Variants in DLEU7 observed in about 807,000 individuals in gnomAD.
DLEU7 encodes deleted in lymphocytic leukemia 7.
DLEU7 carries 17 observed loss-of-function variants against 16.0 expected under a neutral mutation model. The observed-to-expected ratio is 1.06, with a 90% CI of 0.73 to 1.59. The LOEUF is 1.59. Ranked by LOEUF, DLEU7 falls within the 40% of genes most tolerant of loss-of-function variation. The pLI is 0.00. For missense variants in DLEU7, 308 were observed against 314.9 expected (o/e 0.98, Z 0.17); for synonymous variants, 113 against 139.8 (o/e 0.81, Z 1.35).
intron 1 of DLEU7, among the ~76,000 whole-genome samples, chr13:50,783,366 A>G (rs1875707660): frequency 6.6e-6 from 1 of 152,188 alleles, no homozygotes; most frequent in Admixed American, 6.5e-5. Context: ...GTACCCCAAT[A>G]GCTTGATTCT....
chr13:50,823,026 A>G lies in DLEU7; in HGVS notation c.*288T>C. On this transcript the variant is annotated 3_prime_UTR_variant, in exon 2 of 2. Transcript: ENST00000504404. ...AAAAACTAATAATATGAATAAATAT[A>G]TACATACATAATCAAATCAGCTTCA... 1 of 1,009,986 alleles carries G rather than the reference A, an allele frequency of 9.9e-7. No individual in the cohort carries two copies. The highest frequency in any genetic ancestry group is 3.3e-5 in the South Asian group (1 of 30,656). The allele number at this position is 1,009,986 out of a possible 1,614,324, so 62.6% of individuals were successfully genotyped here. A position where few individuals can be genotyped will look rare whatever the true frequency, so the allele number is the denominator to read the frequency against.
intron 1 of DLEU7, among the ~76,000 whole-genome samples, chr13:50,724,889 G>A (rs141179820): frequency 4.6e-5 from 7 of 151,998 alleles, no homozygotes; most frequent in Non-Finnish European, 7.4e-5. Flanking sequence ...TAAATGTTTC[G>A]GTCTAAAAGT....
intron 1 of DLEU7, among the ~76,000 whole-genome samples, chr13:50,749,885 G>A (rs1432025285): frequency 1.3e-5 from 2 of 152,136 alleles, no homozygotes; most frequent in Non-Finnish European, 2.9e-5. Context: ...AACTCTGTGG[G>A]TTGTCTGTTT....
intron 1 of DLEU7, among the ~76,000 whole-genome samples, chr13:50,716,413 T>C (rs1412913543): frequency 6.6e-6 from 1 of 152,250 alleles, no homozygotes; most frequent in African/African-American, 2.4e-5. Flanking sequence ...TGGTACCATA[T>C]TGAACATAGT....
chr13:50,732,991 A>C (rs995535512), intron 1 of DLEU7, among the ~76,000 whole-genome samples: 1 of 152,216 alleles, frequency 6.6e-6, no homozygotes, highest in Non-Finnish European at 1.5e-5. Context: ...TGTGTGCCTT[A>C]CTGCTGCTTA....
chr13:50,745,371 A>G (rs1874364238), intron 1 of DLEU7, among the ~76,000 whole-genome samples: 1 of 152,126 alleles, frequency 6.6e-6, no homozygotes, highest in Non-Finnish European at 1.5e-5. Flanking sequence ...AGATTTGCTG[A>G]CAGAAAGTAG....
intron 1 of DLEU7, among the ~76,000 whole-genome samples, chr13:50,754,381 T>C (rs1874687641): frequency 6.6e-6 from 1 of 152,198 alleles, no homozygotes; most frequent in African/African-American, 2.4e-5. Flanking sequence ...TGTTTAGGAT[T>C]GTGATATTTT....
chr13:50,725,739 A>G (rs913637375), intron 1 of DLEU7, among the ~76,000 whole-genome samples: 1 of 152,168 alleles, frequency 6.6e-6, no homozygotes, highest in African/African-American at 2.4e-5. Flanking sequence ...CTGCTGGGTT[A>G]ATCTGACTGT....
intron 1 of DLEU7, among the ~76,000 whole-genome samples, chr13:50,759,803 C>T (rs1198164171): frequency 1.3e-5 from 2 of 152,164 alleles, no homozygotes; most frequent in African/African-American, 4.8e-5. Context: ...TGTGACTTCT[C>T]TGAGTTACCC....
chr13:50,738,964 C>CACAT lies in DLEU7; in HGVS notation c.460-25725_460-25724insATGT, dbSNP rs1330440264. Among the ~76,000 whole-genome samples, 36 of 12,444 alleles carry CACAT rather than the reference C, an allele frequency of 2.9e-3. No individual in the cohort carries two copies. The African/African-American group carries it at 0.034, about 12-fold the overall frequency. The allele number at this position is 12,444 out of a possible 152,430, so 8.2% of individuals were successfully genotyped here. On this transcript the variant is annotated intron_variant, in intron 1 of 1. Transcript: ENST00000400393. ...AGTGAGCAGCCTCTAAAAAATAATA[C>CACAT]ACACACACACACACACACACACACA...
intron 1 of DLEU7, among the ~76,000 whole-genome samples, chr13:50,729,830 A>G (rs1873868654): frequency 1.3e-5 from 2 of 152,100 alleles, no homozygotes. Flanking sequence ...CCACGCATAC[A>G]TCTTCTTTTG....
In DLEU7 at chr13:50,726,193, G is replaced by A. The variant is rs1043378870; in HGVS notation, c.460-12953C>T. 6.6e-6 allele frequency among the ~76,000 whole-genome samples: 1 copy of A among 152,144 alleles called. No homozygotes were observed. The stretch of plus-strand genomic sequence containing the variant: ...GGTAACATGGCCTTGCCAACCTCTG[G>A]GTGCTATTAGACTCATGAGATCCCC... On this transcript the variant is annotated intron_variant, in intron 1 of 1. Coordinates refer to the DLEU7 transcript ENST00000400393. This position sits in a 1 kb window ranked among gnomAD's most constrained non-coding sequence, Gnocchi z 4.0.
chr13:50,797,773 C>A (rs941408421), intron 1 of DLEU7, among the ~76,000 whole-genome samples: 1 of 145,028 alleles, frequency 6.9e-6, no homozygotes, highest in African/African-American at 2.6e-5. Context: ...CATATTTTAT[C>A]TTGCCTAAAA....
chr13:50,721,953 C>A (rs1873630511), intron 1 of DLEU7, among the ~76,000 whole-genome samples: 1 of 151,994 alleles, frequency 6.6e-6, no homozygotes. Flanking sequence ...ATTCATTCTT[C>A]AAATATATGC....
chr13:50,753,624 C>T (rs1160553093), intron 1 of DLEU7, among the ~76,000 whole-genome samples: 1 of 152,212 alleles, frequency 6.6e-6, no homozygotes, highest in Non-Finnish European at 1.5e-5. Flanking sequence ...GAGCCCACGC[C>T]CACCCGGAAC....
intron 1 of DLEU7, among the ~76,000 whole-genome samples, chr13:50,749,434 T>C (rs1178250734): frequency 1.3e-5 from 2 of 152,164 alleles, no homozygotes; most frequent in Admixed American, 1.3e-4. Flanking sequence ...ATGACTTCTT[T>C]TCCTCTGTGT....
At chr13:50,763,084 G>A (rs1187747103) in intron 1 of DLEU7, among the ~76,000 whole-genome samples, 17 of 152,122 alleles carry the variant, frequency 1.1e-4, no homozygotes, top group Admixed American at 1.1e-3. Context: ...AATTAAAGGA[G>A]AGCAGGAGAG....
intron 1 of DLEU7, chr13:50,808,408 A>G (rs1475579173): frequency 1.3e-5 from 2 of 152,200 alleles, no homozygotes; most frequent in African/African-American, 2.4e-5. Flanking sequence ...TTAAGTATAT[A>G]TACTTATATG....
At chr13:50,753,838 C>T (rs112639996) in intron 1 of DLEU7, among the ~76,000 whole-genome samples, 2,638 of 152,314 alleles carry the variant, frequency 0.017, 72 homozygotes, top group African/African-American at 0.06. Flanking sequence ...GCGAGGGCTG[C>T]AAGGGCTGCC....
Sources: gnomAD v4.1 joint callset for allele counts (sites outside exome capture counted in the v4.1 genomes callset) on GRCh38, gnomAD v4.1.1 for gene constraint, Gnocchi (gnomAD v3.1) non-coding constraint, MANE v1.5 for transcripts, NCBI Gene and HGNC (gene_info 2026-07-23, HGNC 2026-07-21) for gene names.